The following ASCC3 variants were observed in gnomAD, a reference collection of about 807,000 sequenced individuals.
ASCC3 encodes activating signal cointegrator 1 complex subunit 3.
Under a neutral mutation model 256.3 loss-of-function variants are expected in ASCC3, and 158 were observed. The ratio of observed to expected loss-of-function variants is 0.62; its 90% CI spans 0.54 to 0.70. The LOEUF is 0.70. Ranked by LOEUF, ASCC3 falls within the 30% of genes least tolerant of loss-of-function variation. The probability of loss-of-function intolerance (pLI) is 0.00; values close to 1 mark genes in which losing one functional copy is unlikely to be tolerated. For missense variants in ASCC3, 2,259 were observed against 2,626.0 expected (o/e 0.86, Z 3.05); for synonymous variants, 948 against 883.4 (o/e 1.07, Z -1.30).
chr6:100,649,978 T>C (rs1383550849), intron 20 of ASCC3, among the ~76,000 whole-genome samples: 10 of 151,534 alleles, frequency 6.6e-5, no homozygotes, highest in Non-Finnish European at 1.3e-4. Context: ...AAATGAGCTG[T>C]AGTTTAGGGA....
At chr6:100,669,732 A>G (rs1028004123) in intron 14 of ASCC3, among the ~76,000 whole-genome samples, 1 of 151,890 alleles carries the variant, frequency 6.6e-6, no homozygotes, top group Admixed American at 6.6e-5. Flanking sequence ...AGAAGAAACA[A>G]TAAGATCAAT....
intron 2 of ASCC3, 99 bp downstream of exon 2, chr6:100,867,809 C>G (rs945261470): frequency 1.9e-6 from 2 of 1,058,270 alleles, no homozygotes; most frequent in African/African-American, 3.2e-5. Flanking sequence ...GATAAAACTT[C>G]CATGTTAACC....
chr6:100,649,037 G>A (rs1775529424), intron 20 of ASCC3, among the ~76,000 whole-genome samples: 2 of 151,748 alleles, frequency 1.3e-5, no homozygotes, highest in African/African-American at 2.4e-5. Context: ...AGTTGAGAGA[G>A]TAGTTGTTCA....
chr6:100,536,605 C>T (rs964520792), intron 37 of ASCC3, among the ~76,000 whole-genome samples: 40 of 152,184 alleles, frequency 2.6e-4, no homozygotes, highest in African/African-American at 9.6e-5. Flanking sequence ...CCTTGGCACC[C>T]CCTACCATCC....
At chr6:100,530,241 C>A in intron 37 of ASCC3, 1 of 875,896 alleles carries the variant, frequency 1.1e-6, no homozygotes. Flanking sequence ...CGCTCAGAGC[C>A]ACAGGAGGAG....
At chr6:100,636,027 A>T (rs1299423875) in intron 25 of ASCC3, among the ~76,000 whole-genome samples, 1 of 152,216 alleles carries the variant, frequency 6.6e-6, no homozygotes. Flanking sequence ...GTGTCACTAC[A>T]TACATTAGAA....
intron 10 of ASCC3, among the ~76,000 whole-genome samples, chr6:100,731,048 T>C (rs1446669982): frequency 6.6e-6 from 1 of 152,030 alleles, no homozygotes; most frequent in Non-Finnish European, 1.5e-5. Flanking sequence ...CTGAAATGTA[T>C]CTCGGTATTT....
At chr6:100,756,219 C>T (rs1300100744) in intron 10 of ASCC3, among the ~76,000 whole-genome samples, 3 of 151,478 alleles carry the variant, frequency 2.0e-5, no homozygotes, top group East Asian at 3.9e-4. Flanking sequence ...AAAAAAAAAA[C>T]TTCTTTGTAC....
chr6:100,673,553 C>T (rs1216753566), intron 14 of ASCC3, among the ~76,000 whole-genome samples: 1 of 152,004 alleles, frequency 6.6e-6, no homozygotes, highest in Non-Finnish European at 1.5e-5. Context: ...ATCAAAATTT[C>T]CTTAAAAGGA....
intron 26 of ASCC3, among the ~76,000 whole-genome samples, chr6:100,630,472 T>A (rs1298998291): frequency 1.4e-5 from 2 of 145,300 alleles, no homozygotes; most frequent in African/African-American, 2.6e-5. Flanking sequence ...GATACTTATA[T>A]TTTTTTTTTG....
At chr6:100,537,504 G>A (rs1562102157) in intron 37 of ASCC3, among the ~76,000 whole-genome samples, 1 of 152,094 alleles carries the variant, frequency 6.6e-6, no homozygotes, top group Non-Finnish European at 1.5e-5. Context: ...AATTTGAATA[G>A]GTCTGTAGAT....
chr6:100,517,860 TG>T, intron 38 of ASCC3, 130 bp downstream of exon 38: 2 of 1,043,540 alleles, frequency 1.9e-6, no homozygotes, highest in Non-Finnish European at 1.4e-6. Flanking sequence ...TGTCTCACTC[TG>T]GGAAACAGGA....
intron 4 of ASCC3, among the ~76,000 whole-genome samples, chr6:100,827,667 C>T (rs1210093839): frequency 1.3e-5 from 2 of 151,938 alleles, no homozygotes; most frequent in African/African-American, 4.8e-5. Flanking sequence ...ACTATAATGT[C>T]CAAAAAACAA....
At chr6:100,875,818 T>G (rs902573466) in intron 1 of ASCC3, among the ~76,000 whole-genome samples, 2 of 151,924 alleles carry the variant, frequency 1.3e-5, no homozygotes, top group East Asian at 3.9e-4. Context: ...AAGCTAAATC[T>G]CAGTGAGTTG....
rs1211068467 is a variant in ASCC3 at position 100,652,817 on chromosome 6, T to A, written c.2896A>T (p.Met966Leu). ...EVGRKLDKAQ[M>L]IRFEERTGYF... ...CCAGTTCGCTCCTCAAAACGAATCA[T>A]CTGAGCTTTGTCTAGTTTTCGTCCA... is the stretch of plus-strand genomic sequence containing the variant. The change falls in exon 18 of 42, where the codon ATG (methionine) becomes TTG (leucine). Residue 966 changes from methionine to leucine, a missense_variant. This residue lies in a region of ASCC3 where 1,839 missense variants were observed against 2,206.7 expected (regional missense o/e 0.83). Coordinates refer to ENST00000369162, the MANE Select transcript of ASCC3 (RefSeq NM_006828.4). 6 of 1,613,952 alleles carry A rather than the reference T, an allele frequency of 3.7e-6. No individual in the cohort carries two copies. In the South Asian group the frequency reaches 5.5e-5, roughly 15 times the overall value.
intron 4 of ASCC3, among the ~76,000 whole-genome samples, chr6:100,818,689 C>T (rs1770881549): frequency 6.8e-6 from 1 of 146,392 alleles, no homozygotes; most frequent in African/African-American, 2.5e-5. Flanking sequence ...TAAGTCTGCG[C>T]TCACCACTTC....
intron 3 of ASCC3, among the ~76,000 whole-genome samples, chr6:100,862,523 T>C (rs1773274505): frequency 6.6e-6 from 1 of 152,150 alleles, no homozygotes; most frequent in African/African-American, 2.4e-5. Context: ...CCAGAGCTGG[T>C]ACATGGAATA....
chr6:100,593,446 A>G (rs1275117116), intron 34 of ASCC3, among the ~76,000 whole-genome samples: 1 of 152,168 alleles, frequency 6.6e-6, no homozygotes, highest in Non-Finnish European at 1.5e-5. Context: ...AAACAAGAAT[A>G]CTACATATGA....
chr6:100,513,492 A>C (rs1773880104), intron 39 of ASCC3, among the ~76,000 whole-genome samples: 1 of 152,136 alleles, frequency 6.6e-6, no homozygotes, highest in South Asian at 2.1e-4. Flanking sequence ...TTTGTAATTC[A>C]ATTATTGATG....
Sources: allele counts gnomAD v4.1 joint callset (sites outside exome capture counted in the v4.1 genomes callset), GRCh38; gene constraint gnomAD v4.1.1; regional missense constraint gnomAD v4.1.1; transcripts MANE v1.5; gene names NCBI Gene and HGNC (gene_info 2026-07-23, HGNC 2026-07-21).